Variants in PPP2R3B observed in about 807,000 individuals in gnomAD.
The protein encoded by PPP2R3B is protein phosphatase 2 regulatory subunit B''beta.
PPP2R3B carries 68 observed loss-of-function variants against 72.9 expected under a neutral mutation model. The observed-to-expected ratio is 0.93, with a 90% CI of 0.77 to 1.14. The LOEUF is 1.14. Ranked by LOEUF, PPP2R3B falls within the 50% of genes most tolerant of loss-of-function variation. PPP2R3B has a pLI of 0.00. For missense variants in PPP2R3B, 1,018 were observed against 842.0 expected (o/e 1.21, Z -2.59); for synonymous variants, 466 against 375.8 (o/e 1.24, Z -2.78).
At position 386,422 on chromosome X, in the gene PPP2R3B, G is replaced by T; in HGVS notation, c.270C>A (p.Ser90Arg). The stretch of plus-strand genomic sequence containing the variant: ...CTCGAACGTGGGGCGCGTTCCTGGG[G>T]CTGGAGGCGGCGCCCAGGGGCAGCG... The part of the protein sequence containing the change: ...GPALPLGAAS[S>R]PRNAPHVRGT... The change falls in exon 1 of 13, where the codon AGC becomes AGA. Residue 90 changes from serine (S) to arginine (R), a missense_variant. Physicochemically the swap from Ser to Arg is moderately radical, Grantham distance 110. Coordinates refer to ENST00000390665, the MANE Select transcript of PPP2R3B (RefSeq NM_013239.5). 7.6e-7 allele frequency: 1 copy of T among 1,319,422 alleles called. No homozygotes were observed. Among genetic ancestry groups the T allele is most frequent in the Non-Finnish European group, 9.7e-7 (1 of 1,029,518 alleles). The allele number at this position is 1,319,422 out of a possible 1,614,324, so 81.7% of individuals were successfully genotyped here.
At chrX:364,643 A>G (rs867321526) in intron 1 of PPP2R3B, among the ~76,000 whole-genome samples, 9,689 of 124,830 alleles carry the variant, frequency 0.078, 593 homozygotes, top group Non-Finnish European at 0.083. Flanking sequence ...GCTTCAACAC[A>G]GGAGGCGGAG....
At position 386,734 on chromosome X, in the gene PPP2R3B, G is replaced by GC; in HGVS notation, c.-44dup. ...CGGCGCCCCCGGACGCCCGCGCCCC[G>GC]CCCCGCCCCGGGGGCTTCGGTCCGC... On this transcript the variant is annotated 5_prime_UTR_variant, in exon 1 of 13. Transcript: ENST00000390665. 8.4e-6 allele frequency: 10 copies of GC among 1,185,820 alleles called. No homozygotes were observed. Among genetic ancestry groups the GC allele is most frequent in the Non-Finnish European group, 1.0e-5 (10 of 957,456 alleles). The allele number at this position is 1,185,820 out of a possible 1,614,324, so 73.5% of individuals were successfully genotyped here.
chrX:350,122 A>C (rs1250844817), intron 2 of PPP2R3B, among the ~76,000 whole-genome samples: 1 of 152,218 alleles, frequency 6.6e-6, no homozygotes. Flanking sequence ...AAGTCAGAGT[A>C]ATGAAGACTC....
At chrX:370,512 A>C (rs1471527898) in intron 1 of PPP2R3B, among the ~76,000 whole-genome samples, 1 of 152,122 alleles carries the variant, frequency 6.6e-6, no homozygotes, top group Non-Finnish European at 1.5e-5. Flanking sequence ...GATGCCGCGC[A>C]ACACAGCGAG....
intron 6 of PPP2R3B, 71 bp from the exon 7 acceptor site, chrX:345,743 C>T: frequency 3.7e-6 from 3 of 805,674 alleles, no homozygotes; most frequent in Non-Finnish European, 5.2e-6. Flanking sequence ...TGGCTGCGGG[C>T]GGGGCAGGGA....
At chrX:344,021 G>C (rs2071136468) in intron 7 of PPP2R3B, among the ~76,000 whole-genome samples, 1 of 144,718 alleles carries the variant, frequency 6.9e-6, no homozygotes, top group African/African-American at 2.6e-5. Flanking sequence ...GCCAAGGAGA[G>C]GCGGGAGGGA....
In PPP2R3B at chrX:338,340, G is replaced by A. The variant is rs2070946145; in HGVS notation, c.1577+264C>T. On this transcript the variant is annotated intron_variant, in intron 12 of 12. Coordinates refer to ENST00000390665, the MANE Select transcript of PPP2R3B (RefSeq NM_013239.5). ...TCGGCCTCCCCGTGCTGGGCCTGAT[G>A]TGCGAAGCCTCGCGCCCAGGATCAC... The A allele has an allele frequency of 6.8e-6, 4 of 588,022 alleles. No homozygotes were observed. In the Admixed American group the frequency reaches 8.9e-5, roughly 13 times the overall value. 36.4% of individuals were successfully genotyped at this position (588,022 alleles called of 1,614,324 possible). A position where few individuals can be genotyped will look rare whatever the true frequency, so the allele number is the denominator to read the frequency against.
At chrX:370,354 C>A (rs1381024585) in intron 1 of PPP2R3B, among the ~76,000 whole-genome samples, 1 of 152,196 alleles carries the variant, frequency 6.6e-6, no homozygotes, top group African/African-American at 2.4e-5. Context: ...CGCTGAGAGA[C>A]GTCGGCTGGG....
At chrX:375,895 C>T (rs181627908) in intron 1 of PPP2R3B, among the ~76,000 whole-genome samples, 2 of 133,086 alleles carry the variant, frequency 1.5e-5, no homozygotes, top group African/African-American at 2.9e-5. Context: ...TCTTTCCGTA[C>T]AAGACTTTTG....
At chrX:345,066 G>C (rs758404447) in intron 7 of PPP2R3B, 52 of 413,412 alleles carry the variant, frequency 1.3e-4, no homozygotes, top group African/African-American at 9.4e-4. Flanking sequence ...GGGCGGCACC[G>C]GCTCCCGCGG....
chrX:356,731 A>AG (rs1165132961), intron 2 of PPP2R3B, among the ~76,000 whole-genome samples: 2 of 152,146 alleles, frequency 1.3e-5, no homozygotes, highest in African/African-American at 4.8e-5. Flanking sequence ...GCACACACAC[A>AG]GCAGAAGCTA....
At chrX:344,687 T>C (rs1346875798) in intron 7 of PPP2R3B, among the ~76,000 whole-genome samples, 1 of 152,112 alleles carries the variant, frequency 6.6e-6, no homozygotes, top group East Asian at 1.9e-4. Flanking sequence ...TCGTGGCTAG[T>C]TAGGGGCCCA....
At chrX:345,140 C>T (rs1461574616) in intron 7 of PPP2R3B, 2 of 508,708 alleles carry the variant, frequency 3.9e-6, no homozygotes, top group Non-Finnish European at 3.8e-6. Flanking sequence ...GAAACTGCTC[C>T]AGGCCTTGGG....
chrX:337,906 G>GA (rs1310953079), intron 12 of PPP2R3B: 1 of 154,322 alleles, frequency 6.5e-6, no homozygotes, highest in African/African-American at 2.4e-5. Context: ...CCACAGGGAA[G>GA]GTTACTCAAG....
chrX:340,719 G>A lies in PPP2R3B; in HGVS notation c.1351+46C>T, dbSNP rs73178007. The A allele has an allele frequency of 0.1, 128,605 of 1,235,348 alleles. 673 individuals are homozygous for A. The highest frequency in any genetic ancestry group is 0.12 in the Middle Eastern group (431 of 3,668). The allele number at this position is 1,235,348 out of a possible 1,614,324, so 76.5% of individuals were successfully genotyped here. A position where few individuals can be genotyped will look rare whatever the true frequency, so the allele number is the denominator to read the frequency against. On this transcript the variant is annotated intron_variant, in intron 10 of 12. Coordinates refer to ENST00000390665, the MANE Select transcript of PPP2R3B (RefSeq NM_013239.5). ...TCCCCTCACCCTGGGCCGTCCTCTC[G>A]CCCGTCCGTCCCCTCACCCTGGGCC...
intron 1 of PPP2R3B, among the ~76,000 whole-genome samples, chrX:379,982 C>G (rs1569418806): frequency 6.6e-6 from 1 of 152,158 alleles, no homozygotes; most frequent in Non-Finnish European, 1.5e-5. Context: ...ACTCAACTGA[C>G]TTTCAACAAC....
At chrX:346,041 A>AGGTGGGGGTGGAGGTGGGGGTGGG in intron 6 of PPP2R3B, 133 bp downstream of exon 6, 1 of 465,288 alleles carries the variant, frequency 2.1e-6, no homozygotes, top group East Asian at 3.7e-5. Context: ...AGCGCGGTGG[A>AGGTGGGGGTGGAGGTGGGGGTGGG]GGTGGGGGTG....
At position 341,002 on chromosome X, in the gene PPP2R3B, C is replaced by T. The variant is rs1352369968; in HGVS notation, c.1176-62G>A. On this transcript the variant is annotated intron_variant, in intron 9 of 12. Transcript: ENST00000390665. ...GCCCTCCCAGCCCGTGACCTGCAGC[C>T]CCTGAGGCAGCCCCCACCGGGGGTG... The T allele has an allele frequency of 2.5e-6, 4 of 1,584,710 alleles. No homozygotes were observed. The African/African-American group carries it at 5.4e-5, about 21-fold the overall frequency.
intron 1 of PPP2R3B, among the ~76,000 whole-genome samples, chrX:367,114 C>T (rs2071735904): frequency 6.6e-6 from 1 of 151,910 alleles, no homozygotes; most frequent in African/African-American, 2.4e-5. Context: ...CTCTACGGGG[C>T]AAAAGCTGAG....
Sources: gnomAD v4.1 joint callset for allele counts (sites outside exome capture counted in the v4.1 genomes callset) on GRCh38, gnomAD v4.1.1 for gene constraint, MANE v1.5 for transcripts, NCBI Gene and HGNC (gene_info 2026-07-23, HGNC 2026-07-21) for gene names.